SLC24A2: variants seen among roughly 807,000 people sequenced by gnomAD.
SLC24A2 encodes solute carrier family 24 member 2, also known as sodium/potassium/calcium exchanger 2.
A neutral mutation model predicts 62.0 loss-of-function variants in SLC24A2; 36 were observed. That is an observed-to-expected ratio of 0.58 (90% CI 0.44 to 0.77). The LOEUF (loss-of-function observed/expected upper bound fraction) is 0.77, where lower values mean the gene tolerates loss of function less well. SLC24A2 is among the 30% of genes least tolerant of loss of function. The pLI is 0.00. For missense variants in SLC24A2, 846 were observed against 817.9 expected, an observed-to-expected ratio of 1.03 and a Z score of -0.42; for synonymous variants, 358 against 294.0, an observed-to-expected ratio of 1.22 and a Z score of -2.23.
At chr9:20,010,291 G>A in the SLC24A2 span, among the ~76,000 whole-genome samples, 3 of 152,072 alleles carry the variant, frequency 2.0e-5, no homozygotes, top group Non-Finnish European at 2.9e-5. Context: ...CAGGAGAGGT[G>A]GCCTTCTCCT....
chr9:20,201,714 A>C, the SLC24A2 span, among the ~76,000 whole-genome samples: 1 of 152,132 alleles, frequency 6.6e-6, no homozygotes, highest in Non-Finnish European at 1.5e-5. Context: ...ATCAAGATGG[A>C]AACAGTTTTT....
At chr9:20,097,806 G>T in the SLC24A2 span, among the ~76,000 whole-genome samples, 3 of 124,766 alleles carry the variant, frequency 2.4e-5, no homozygotes, top group Non-Finnish European at 4.7e-5. Context: ...GCAGTGGCGC[G>T]ATCTCGACTC....
At chr9:20,211,820 T>C in the SLC24A2 span, among the ~76,000 whole-genome samples, 2 of 151,350 alleles carry the variant, frequency 1.3e-5, no homozygotes. Flanking sequence ...TCTCAAAATA[T>C]TTGTGTTTGT....
intron 2 of SLC24A2, among the ~76,000 whole-genome samples, chr9:19,738,624 A>T (rs1018307033): frequency 1.3e-5 from 2 of 152,212 alleles, no homozygotes; most frequent in African/African-American, 4.8e-5. Context: ...AACTATTTGA[A>T]TTAATAACTA....
the SLC24A2 span, among the ~76,000 whole-genome samples, chr9:19,886,381 A>G: frequency 0.41 from 62,198 of 151,736 alleles, 13,328 homozygotes; most frequent in East Asian, 0.84. Flanking sequence ...GGCTGTGGGT[A>G]TGTCTTCTTT....
the SLC24A2 span, among the ~76,000 whole-genome samples, chr9:20,284,731 A>G: frequency 6.6e-6 from 1 of 152,088 alleles, no homozygotes; most frequent in Admixed American, 6.5e-5. Context: ...GCACCATTCA[A>G]TCCTGGATTT....
At chr9:19,903,917 A>G in the SLC24A2 span, among the ~76,000 whole-genome samples, 1 of 152,180 alleles carries the variant, frequency 6.6e-6, no homozygotes, top group African/African-American at 2.4e-5. Flanking sequence ...TGCCAGAACT[A>G]TATAGAATCA....
At chr9:19,934,642 T>A in the SLC24A2 span, among the ~76,000 whole-genome samples, 1 of 152,156 alleles carries the variant, frequency 6.6e-6, no homozygotes, top group African/African-American at 2.4e-5. The surrounding 1 kb of genome is among the most constrained non-coding windows in gnomAD (Gnocchi z 4.1). Context: ...AAGTGGTAAT[T>A]TCCTTTGGGG....
At chr9:20,202,441 T>C in the SLC24A2 span, among the ~76,000 whole-genome samples, 1 of 152,140 alleles carries the variant, frequency 6.6e-6, no homozygotes, top group Non-Finnish European at 1.5e-5. Context: ...CAGGCGCATT[T>C]GTGTTGAAGT....
intron 2 of SLC24A2, among the ~76,000 whole-genome samples, chr9:19,755,829 T>C (rs183074001): frequency 2.0e-5 from 3 of 152,352 alleles, no homozygotes; most frequent in East Asian, 3.9e-4. Context: ...CACCTGGTTA[T>C]TATAATTTTA....
the SLC24A2 span, among the ~76,000 whole-genome samples, chr9:19,917,978 A>G: frequency 3.9e-5 from 6 of 152,146 alleles, no homozygotes; most frequent in African/African-American, 1.4e-4. Context: ...ATAACTATCT[A>G]TTGGCTTAAG....
rs755662569 is a variant in SLC24A2, at chr9:19,786,486, A to G, written c.381T>C (p.Leu127=). The G allele has an allele frequency of 8.1e-6, 13 of 1,614,186 alleles. No individual in the cohort carries two copies. The highest frequency in any genetic ancestry group is 1.0e-5 in the Non-Finnish European group (12 of 1,180,040). ...TGATCGCACCTTTTCTTCTCTCCTC[A>G]AGGGAAAAGATGTCTTTCGGGTAGT... is the stretch of plus-strand genomic sequence containing the variant. ...QGDYPKDIFS[L]EERRKGAIIL... The change falls in exon 2 of 11, where the codon CTT becomes CTC. Residue 127 remains leucine, a synonymous_variant. Coordinates refer to ENST00000341998, the MANE Select transcript of SLC24A2 (RefSeq NM_020344.4). This position sits in a 1 kb window ranked among gnomAD's most constrained non-coding sequence, Gnocchi z 5.0.
the SLC24A2 span, among the ~76,000 whole-genome samples, chr9:19,973,496 G>A: frequency 1.3e-5 from 2 of 152,208 alleles, no homozygotes; most frequent in Non-Finnish European, 2.9e-5. Context: ...AGGAGTAGTA[G>A]ATAGACGTGG....
the SLC24A2 span, among the ~76,000 whole-genome samples, chr9:20,131,054 A>G: frequency 6.6e-6 from 1 of 151,434 alleles, no homozygotes; most frequent in East Asian, 1.9e-4. Context: ...TTCTATTTTC[A>G]AGAATGTGGG....
intron 2 of SLC24A2, among the ~76,000 whole-genome samples, chr9:19,760,547 T>C (rs1405227676): frequency 6.6e-6 from 1 of 151,810 alleles, no homozygotes; most frequent in Non-Finnish European, 1.5e-5. Flanking sequence ...GGCTCCTGTG[T>C]GATGTTCCCC....
chr9:19,861,999 G>T, the SLC24A2 span, among the ~76,000 whole-genome samples: 1 of 152,056 alleles, frequency 6.6e-6, no homozygotes, highest in Non-Finnish European at 1.5e-5. Flanking sequence ...TTTGAGAGGA[G>T]GTAGAGAAAG....
the SLC24A2 span, among the ~76,000 whole-genome samples, chr9:20,220,965 G>A: frequency 1.3e-5 from 2 of 152,012 alleles, no homozygotes; most frequent in Admixed American, 1.3e-4. Flanking sequence ...AAAATGTGCT[G>A]AATTCTTTCT....
At chr9:19,943,609 T>C in the SLC24A2 span, among the ~76,000 whole-genome samples, 1 of 152,212 alleles carries the variant, frequency 6.6e-6, no homozygotes. Context: ...TGCATTTGTG[T>C]CTCTTCTCTA....
At chr9:19,542,270 G>C (rs1207243029) in intron 8 of SLC24A2, among the ~76,000 whole-genome samples, 1 of 152,204 alleles carries the variant, frequency 6.6e-6, no homozygotes, top group Non-Finnish European at 1.5e-5. Flanking sequence ...ATGAATGCTT[G>C]TGATTTTTTG....
Sources: gnomAD v4.1 joint callset for allele counts (sites outside exome capture counted in the v4.1 genomes callset) on GRCh38, gnomAD v4.1.1 for gene constraint, Gnocchi (gnomAD v3.1) non-coding constraint, MANE v1.5 for transcripts, NCBI Gene and HGNC (gene_info 2026-07-23, HGNC 2026-07-21) for gene names.